The following HTR2C variants were observed in gnomAD, a reference collection of about 807,000 sequenced individuals.
HTR2C encodes 5-hydroxytryptamine receptor 2C.
In HTR2C, 5 loss-of-function variants were observed where a neutral mutation model predicts 21.0. The ratio of observed to expected loss-of-function variants is 0.24; its 90% CI spans 0.12 to 0.50. The LOEUF (loss-of-function observed/expected upper bound fraction) is 0.50, where lower values mean the gene tolerates loss of function less well. HTR2C is among the 20% of genes least tolerant of loss of function. The pLI is 0.98. For missense variants in HTR2C, 271 were observed against 371.2 expected (o/e 0.73, Z 2.22); for synonymous variants, 150 against 145.3 (o/e 1.03, Z -0.23).
chrX:114,868,308 C>A (rs2071062815), intron 5 of HTR2C, among the ~76,000 whole-genome samples: 1 of 110,734 alleles, frequency 9.0e-6, no homozygotes. Flanking sequence ...ATAATAATTT[C>A]TTTTTTTCTT....
At chrX:114,657,884 G>C (rs1000373599) in intron 2 of HTR2C, among the ~76,000 whole-genome samples, 3 of 110,684 alleles carry the variant, frequency 2.7e-5, no homozygotes, top group African/African-American at 9.8e-5. Context: ...TGTGTCTTCT[G>C]TAAAACTATT....
intron 2 of HTR2C, among the ~76,000 whole-genome samples, chrX:114,683,423 G>A (rs917862990): frequency 5.5e-5 from 6 of 109,384 alleles, no homozygotes; most frequent in African/African-American, 2.0e-4. Context: ...GTAAGCTGAA[G>A]TTTCATCCTG....
At chrX:114,860,103 G>A (rs2070994996) in intron 5 of HTR2C, among the ~76,000 whole-genome samples, 1 of 111,391 alleles carries the variant, frequency 9.0e-6, no homozygotes. Context: ...AATGTTCTAT[G>A]TCTACCTCAA....
rs190286915 is a variant in HTR2C, at chrX:114,627,004, C to T, written c.-80+13123C>T. On this transcript the variant is annotated intron_variant, in intron 2 of 5. Coordinates refer to ENST00000276198, the MANE Select transcript of HTR2C (RefSeq NM_000868.4). ...TGATATCATGGCCTACAGAACATAA[C>T]GTTCTAAATTTATTTTTTGGGAAAA... Among the ~76,000 whole-genome samples, 24 of 111,612 alleles carry T rather than the reference C, an allele frequency of 2.2e-4. No homozygotes were observed. The East Asian group carries it at 6.8e-3, about 31-fold the overall frequency.
chrX:114,824,558 C>T (rs1556457599), intron 4 of HTR2C, among the ~76,000 whole-genome samples: 1 of 112,063 alleles, frequency 8.9e-6, no homozygotes, highest in Admixed American at 9.5e-5. Flanking sequence ...ACAGCACAAA[C>T]TTGAGTTGTA....
In HTR2C at chrX:114,584,627, A is replaced by ACCGCTG. The variant is rs1927311153; in HGVS notation, c.-176_-171dup. 1 of 112,391 alleles carries ACCGCTG rather than the reference A, an allele frequency of 8.9e-6. No individual in the cohort carries two copies. The allele number at this position is 112,391 out of a possible 1,213,427, so 9.3% of individuals were successfully genotyped here. The stretch of plus-strand genomic sequence containing the variant: ...TTCTCGTCTAGCTGCCGCCGCGGCG[A>ACCGCTG]CCGCTGCCTGGTCTTCCTCCCGGAC... On this transcript the variant is annotated 5_prime_UTR_variant, in exon 1 of 6. Coordinates refer to ENST00000276198, the MANE Select transcript of HTR2C (RefSeq NM_000868.4).
rs62593117 is a variant in HTR2C, at chrX:114,703,979, G to A, written c.-79-22879G>A. Among the ~76,000 whole-genome samples, 321 of 110,113 alleles carry A rather than the reference G, an allele frequency of 2.9e-3. 2 individuals carry two copies. The highest frequency in any genetic ancestry group is 4.7e-3 in the Non-Finnish European group (249 of 52,779). On this transcript the variant is annotated intron_variant, in intron 2 of 5. Coordinates refer to ENST00000276198, the MANE Select transcript of HTR2C (RefSeq NM_000868.4). ...TCTAGAAGAAATGGATAAATTCCTC[G>A]ACACATACACCCTCCCAAGAATAAA... is the stretch of plus-strand genomic sequence containing the variant.
At chrX:114,654,043 T>C (rs1464294752) in intron 2 of HTR2C, among the ~76,000 whole-genome samples, 1 of 110,430 alleles carries the variant, frequency 9.1e-6, no homozygotes, top group Non-Finnish European at 1.9e-5. Context: ...TTAGATATAA[T>C]ACGAGACTAA....
chrX:114,881,787 T>A (rs1556479891), intron 5 of HTR2C, among the ~76,000 whole-genome samples: 1 of 110,400 alleles, frequency 9.1e-6, no homozygotes, highest in African/African-American at 3.3e-5. Flanking sequence ...CCTCGTACTT[T>A]GCTCTTTTAT....
chrX:114,904,197 TTTC>T (rs1349621671), intron 5 of HTR2C, among the ~76,000 whole-genome samples: 3 of 111,796 alleles, frequency 2.7e-5, no homozygotes, highest in Non-Finnish European at 5.6e-5. Flanking sequence ...TATGTCTTCT[TTTC>T]TCTTTTTTTA....
intron 2 of HTR2C, among the ~76,000 whole-genome samples, chrX:114,669,735 A>G (rs899661139): frequency 2.7e-5 from 3 of 112,098 alleles, no homozygotes; most frequent in Non-Finnish European, 5.6e-5. Flanking sequence ...GAGTACTTTT[A>G]CACAATAAAC....
At chrX:114,746,684 A>G (rs1163195398) in intron 4 of HTR2C, among the ~76,000 whole-genome samples, 1 of 109,685 alleles carries the variant, frequency 9.1e-6, no homozygotes, top group African/African-American at 3.3e-5. Context: ...GGAAACCTCA[A>G]CTCTAAAAAA....
At chrX:114,799,386 T>A (rs1345228690) in intron 4 of HTR2C, among the ~76,000 whole-genome samples, 1 of 110,539 alleles carries the variant, frequency 9.0e-6, no homozygotes, top group Non-Finnish European at 1.9e-5. Flanking sequence ...TGGCATTTGT[T>A]ATCATTACTT....
At chrX:114,718,686 G>A (rs888821878) in intron 2 of HTR2C, among the ~76,000 whole-genome samples, 1 of 110,146 alleles carries the variant, frequency 9.1e-6, no homozygotes, top group Non-Finnish European at 1.9e-5. Context: ...GATTTACACT[G>A]TAGAAAGGAT....
At chrX:114,645,993 G>C (rs1446746801) in intron 2 of HTR2C, among the ~76,000 whole-genome samples, 2 of 111,476 alleles carry the variant, frequency 1.8e-5, no homozygotes, top group East Asian at 2.8e-4. Context: ...CAATCAAAAG[G>C]TCTAAGGATT....
At chrX:114,789,882 G>A (rs1297146369) in intron 4 of HTR2C, among the ~76,000 whole-genome samples, 2 of 111,741 alleles carry the variant, frequency 1.8e-5, no homozygotes, top group African/African-American at 6.5e-5. Context: ...CTGGCACATA[G>A]TAAGCAACAT....
At chrX:114,823,488 G>C in intron 4 of HTR2C, 2 of 349,030 alleles carry the variant, frequency 5.7e-6, no homozygotes, top group Non-Finnish European at 1.2e-5. Context: ...AGTGCTGCCA[G>C]GAAATCCCTA....
intron 2 of HTR2C, among the ~76,000 whole-genome samples, chrX:114,703,638 A>G (rs1452151405): frequency 3.6e-5 from 4 of 111,740 alleles, no homozygotes; most frequent in Non-Finnish European, 7.5e-5. Context: ...CCCTAACATC[A>G]CAATTAAAAG....
At chrX:114,702,876 C>A (rs1232211292) in intron 2 of HTR2C, among the ~76,000 whole-genome samples, 20 of 106,661 alleles carry the variant, frequency 1.9e-4, no homozygotes, top group Admixed American at 1.0e-4. Context: ...ATCTACCAAG[C>A]AAATGGAAAA....
Sources: gnomAD v4.1 joint callset for allele counts (sites outside exome capture counted in the v4.1 genomes callset) on GRCh38, gnomAD v4.1.1 for gene constraint, MANE v1.5 for transcripts, NCBI Gene and HGNC (gene_info 2026-07-23, HGNC 2026-07-21) for gene names.